The following LOXL2 variants were observed in gnomAD, a reference collection of about 807,000 sequenced individuals.
LOXL2 encodes the protein lysyl oxidase like 2.
LOXL2 carries 70 observed loss-of-function variants against 93.0 expected under a neutral mutation model. The observed-to-expected ratio is 0.75, with a 90% CI of 0.62 to 0.92. LOXL2 has a LOEUF of 0.92. Ranked by LOEUF, LOXL2 falls within the 40% of genes least tolerant of loss-of-function variation. The probability of loss-of-function intolerance (pLI) is 0.00; values close to 1 mark genes in which losing one functional copy is unlikely to be tolerated. For synonymous variants in LOXL2, 438 were observed against 413.2 expected (o/e 1.06, Z -0.73); for missense variants, 973 against 1,054.9 (o/e 0.92, Z 1.08).
chr8:23,358,508 G>A (rs1032486189), intron 3 of LOXL2, among the ~76,000 whole-genome samples: 1 of 152,230 alleles, frequency 6.6e-6, no homozygotes, highest in African/African-American at 2.4e-5. Context: ...CACAGCGAAG[G>A]TTCCTTGGTC....
chr8:23,369,657 A>G (rs779212903), intron 1 of LOXL2, among the ~76,000 whole-genome samples: 36 of 152,052 alleles, frequency 2.4e-4, no homozygotes, highest in Non-Finnish European at 4.4e-4. Flanking sequence ...GCTGGGGTGG[A>G]GATGTTAGAG....
At chr8:23,385,413 A>ATTTTT (rs201661064) in intron 1 of LOXL2, among the ~76,000 whole-genome samples, 1 of 136,310 alleles carries the variant, frequency 7.3e-6, no homozygotes, top group Non-Finnish European at 1.6e-5. Context: ...CACCCAGCTA[A>ATTTTT]TTTTTTTTTT....
intron 3 of LOXL2, among the ~76,000 whole-genome samples, chr8:23,348,929 C>T (rs1563198365): frequency 6.6e-6 from 1 of 152,120 alleles, no homozygotes; most frequent in African/African-American, 2.4e-5. Context: ...CTCCCAGATA[C>T]AGACCCATGT....
chr8:23,341,201 G>T lies in LOXL2; in HGVS notation c.534C>A (p.Asn178Lys). ...GAATGTCCTCCACCTGGATATTCAGGTTCTGGGAAGAAAGAGGCGTGGAAG... is the reference window on the plus strand; with the variant it reads ...GAATGTCCTCCACCTGGATATTCAGTTTCTGGGAAGAAAGAGGCGTGGAAG... ...FDNSLINQIE[N>K]LNIQVEDIRI... The change falls in exon 4 of 14, where the codon AAC (asparagine) becomes AAA (lysine). Residue 178 changes from asparagine to lysine, a missense_variant and splice_region_variant. Coordinates refer to ENST00000389131, the MANE Select transcript of LOXL2 (RefSeq NM_002318.3). The T allele has an allele frequency of 6.2e-7, 1 of 1,612,622 alleles. No homozygotes were observed. The highest frequency in any genetic ancestry group is 8.5e-7 in the Non-Finnish European group (1 of 1,179,518).
intron 13 of LOXL2, among the ~76,000 whole-genome samples, 168 bp from the exon 14 acceptor site, chr8:23,298,290 A>G: frequency 6.6e-6 from 1 of 152,216 alleles, no homozygotes; most frequent in East Asian, 1.9e-4. Context: ...GGCACATAGC[A>G]GGTGCTCTGT....
At chr8:23,359,532 C>A (rs886332903) in intron 3 of LOXL2, among the ~76,000 whole-genome samples, 1 of 152,132 alleles carries the variant, frequency 6.6e-6, no homozygotes, top group Non-Finnish European at 1.5e-5. Context: ...TAAGAGCCTG[C>A]GTGGGAGGGG....
chr8:23,327,670 C>T (rs1228565362), intron 6 of LOXL2, among the ~76,000 whole-genome samples: 3 of 152,146 alleles, frequency 2.0e-5, no homozygotes, highest in Non-Finnish European at 4.4e-5. Flanking sequence ...GTAAAATCTC[C>T]CCCTGTTGAA....
At chr8:23,353,500 T>C (rs1804130907) in intron 3 of LOXL2, among the ~76,000 whole-genome samples, 1 of 152,206 alleles carries the variant, frequency 6.6e-6, no homozygotes, top group Admixed American at 6.5e-5. Flanking sequence ...ATAACAGCTG[T>C]GAGCTCCAGT....
intron 1 of LOXL2, among the ~76,000 whole-genome samples, chr8:23,373,854 C>T (rs1195206291): frequency 6.6e-6 from 1 of 151,988 alleles, no homozygotes; most frequent in Admixed American, 6.6e-5. Flanking sequence ...CTCTCTCCCT[C>T]CCCTGACTTT....
chr8:23,378,991 T>A (rs1020801842), intron 1 of LOXL2, among the ~76,000 whole-genome samples: 11 of 150,560 alleles, frequency 7.3e-5, no homozygotes, highest in Admixed American at 6.6e-5. Flanking sequence ...CTGTGTTCCT[T>A]TGGAGGGGGA....
intron 10 of LOXL2, 152 bp from the exon 11 acceptor site, chr8:23,303,549 G>A (rs1383762414): frequency 4.9e-6 from 3 of 612,028 alleles, no homozygotes; most frequent in East Asian, 2.8e-5. Context: ...CCTGAGGAAA[G>A]GAAAGCCGGT....
intron 9 of LOXL2, among the ~76,000 whole-genome samples, chr8:23,316,439 G>T (rs903565200): frequency 6.6e-6 from 1 of 152,152 alleles, no homozygotes; most frequent in African/African-American, 2.4e-5. Context: ...TCTTCTCTCA[G>T]CATGGGAGGG....
At chr8:23,390,044 A>T (rs149436795) in intron 1 of LOXL2, among the ~76,000 whole-genome samples, 1 of 152,096 alleles carries the variant, frequency 6.6e-6, no homozygotes, top group African/African-American at 2.4e-5. Context: ...TCCGCTTGAC[A>T]TTTCTGCCAG....
chr8:23,341,689 C>A (rs1454944216), intron 3 of LOXL2, among the ~76,000 whole-genome samples: 1 of 152,096 alleles, frequency 6.6e-6, no homozygotes, highest in Non-Finnish European at 1.5e-5. Flanking sequence ...GATAGAGGAC[C>A]CCCAGATGTC....
intron 8 of LOXL2, among the ~76,000 whole-genome samples, chr8:23,318,681 T>G (rs545818432): frequency 2.6e-4 from 39 of 152,320 alleles, no homozygotes; most frequent in Non-Finnish European, 5.1e-4. Flanking sequence ...AATATCTGGT[T>G]GAAGACTCCC....
chr8:23,341,367 G>A, intron 3 of LOXL2, 164 bp from the exon 4 acceptor site: 1 of 637,710 alleles, frequency 1.6e-6, no homozygotes, highest in Non-Finnish European at 2.8e-6. Flanking sequence ...GGGGCACACG[G>A]CCCAAGCTGC....
chr8:23,363,426 G>A (rs1186261145), intron 2 of LOXL2: 3 of 152,206 alleles, frequency 2.0e-5, no homozygotes, highest in Non-Finnish European at 4.4e-5. Flanking sequence ...TTTCCAAGCA[G>A]TCAAGCTCCA....
At chr8:23,403,165 G>T (rs144085701) in intron 1 of LOXL2, among the ~76,000 whole-genome samples, 71 of 152,194 alleles carry the variant, frequency 4.7e-4, no homozygotes, top group African/African-American at 1.6e-3. Context: ...CTGCGTAAAA[G>T]TTGTAGGCAC....
At chr8:23,346,137 T>TAATAAAAATAAA (rs879817966) in intron 3 of LOXL2, among the ~76,000 whole-genome samples, 9 of 75,710 alleles carry the variant, frequency 1.2e-4, no homozygotes, top group South Asian at 4.3e-4. Context: ...TAAAATAAAA[T>TAATAAAAATAAA]AAAATAAATA....
Sources: allele counts gnomAD v4.1 joint callset (sites outside exome capture counted in the v4.1 genomes callset), GRCh38; gene constraint gnomAD v4.1.1; transcripts MANE v1.5; gene names NCBI Gene and HGNC (gene_info 2026-07-23, HGNC 2026-07-21).